PPP6C: variants seen among roughly 807,000 people sequenced by gnomAD.
PPP6C encodes the protein serine/threonine-protein phosphatase 6 catalytic subunit.
A neutral mutation model predicts 39.8 loss-of-function variants in PPP6C; 11 were observed. The ratio of observed to expected loss-of-function variants is 0.28; its 90% CI spans 0.17 to 0.46. The LOEUF (loss-of-function observed/expected upper bound fraction) is 0.46. Ranked by LOEUF, PPP6C falls within the 20% of genes least tolerant of loss-of-function variation. The probability of loss-of-function intolerance (pLI) is 1.00; values close to 1 mark genes in which losing one functional copy is unlikely to be tolerated. For missense variants in PPP6C, 211 were observed against 373.9 expected (o/e 0.56, Z 3.59); for synonymous variants, 129 against 130.3 (o/e 0.99, Z 0.07).
intron 1 of PPP6C, among the ~76,000 whole-genome samples, chr9:125,173,867 C>T (rs1829236199): frequency 6.6e-6 from 1 of 152,118 alleles, no homozygotes; most frequent in African/African-American, 2.4e-5. Context: ...CCACCCGCCT[C>T]GGCCTCCCAA....
At chr9:125,157,170 G>C (rs1454789703) in intron 4 of PPP6C, among the ~76,000 whole-genome samples, 3 of 127,644 alleles carry the variant, frequency 2.4e-5, no homozygotes, top group Non-Finnish European at 3.1e-5. Context: ...ATTTTTAGTA[G>C]AGACAGGGTT....
At chr9:125,153,352 G>A (rs1835996835) in intron 6 of PPP6C, among the ~76,000 whole-genome samples, 181 bp downstream of exon 6, 1 of 152,058 alleles carries the variant, frequency 6.6e-6, no homozygotes, top group Non-Finnish European at 1.5e-5. Context: ...TGCTTTCACT[G>A]TGTCATCTTA....
In PPP6C at chr9:125,174,766, C is replaced by A. The variant is rs189282726; in HGVS notation, c.76-3586G>T. Among the ~76,000 whole-genome samples, 79 of 151,934 alleles carry A rather than the reference C, an allele frequency of 5.2e-4. 1 individual carries two copies. In the East Asian group the frequency reaches 0.013, roughly 25 times the overall value. On this transcript the variant is annotated intron_variant, in intron 1 of 6. Transcript: ENST00000373547. ...CTATACTAAAAAATACAAAAATAAG[C>A]TGGTCAGTAGAGGCACGTACCTGTA...
intron 1 of PPP6C, among the ~76,000 whole-genome samples, chr9:125,180,425 A>G (rs1420851568): frequency 6.6e-6 from 1 of 151,898 alleles, no homozygotes; most frequent in Non-Finnish European, 1.5e-5. Context: ...TTGGCCTGTA[A>G]TTTTTTCTTT....
At chr9:125,178,933 G>A (rs1829363425) in intron 1 of PPP6C, among the ~76,000 whole-genome samples, 1 of 152,094 alleles carries the variant, frequency 6.6e-6, no homozygotes, top group Non-Finnish European at 1.5e-5. Context: ...GTTATCTGCA[G>A]GCCAGGCATG....
intron 1 of PPP6C, among the ~76,000 whole-genome samples, chr9:125,186,807 A>G (rs1351972707): frequency 6.6e-6 from 1 of 151,830 alleles, no homozygotes; most frequent in East Asian, 1.9e-4. Context: ...AAACAAATAC[A>G]AGTCAAGTAC....
At chr9:125,170,344 C>T (rs1455644847) in intron 2 of PPP6C, among the ~76,000 whole-genome samples, 1 of 151,718 alleles carries the variant, frequency 6.6e-6, no homozygotes, top group East Asian at 1.9e-4. Context: ...TCAAGAGATT[C>T]TCCTGCCTCA....
At chr9:125,170,411 G>C (rs1326691994) in intron 2 of PPP6C, among the ~76,000 whole-genome samples, 1 of 151,762 alleles carries the variant, frequency 6.6e-6, no homozygotes, top group Non-Finnish European at 1.5e-5. Flanking sequence ...TAATTTTTTT[G>C]TATTTTCAGT....
chr9:125,166,551 T>TTC (rs1364899505), intron 2 of PPP6C, among the ~76,000 whole-genome samples: 12 of 151,546 alleles, frequency 7.9e-5, no homozygotes, highest in African/African-American at 2.4e-4. Flanking sequence ...TTTTTTTTTT[T>TTC]TAGCAGAGTC....
intron 2 of PPP6C, among the ~76,000 whole-genome samples, chr9:125,165,377 T>C (rs1828990066): frequency 6.6e-6 from 1 of 151,936 alleles, no homozygotes; most frequent in South Asian, 2.1e-4. Context: ...GCAGTCTGGG[T>C]GACAAGAGTG....
chr9:125,180,701 G>A (rs1005550298), intron 1 of PPP6C, among the ~76,000 whole-genome samples: 3 of 152,204 alleles, frequency 2.0e-5, no homozygotes, highest in Admixed American at 1.3e-4. Context: ...GGTTACAGGC[G>A]TGAGCCACTG....
In PPP6C at chr9:125,147,636, A is replaced by G. The variant is rs143635521; in HGVS notation, c.*2037T>C. 6.6e-6 allele frequency: 1 copy of G among 152,342 alleles called. No individual in the cohort carries two copies. The highest frequency in any genetic ancestry group is 2.4e-5 in the African/African-American group (1 of 41,582). 9.4% of individuals were successfully genotyped at this position (152,342 alleles called of 1,614,324 possible). ...ATTGGCACGTGCCCAACTAGTGACAAACAAATGCAGTACACAATGACTTAA... is the reference window on the plus strand; with the variant it reads ...ATTGGCACGTGCCCAACTAGTGACAGACAAATGCAGTACACAATGACTTAA... On this transcript the variant is annotated 3_prime_UTR_variant, in exon 7 of 7. Coordinates refer to ENST00000373547, the MANE Select transcript of PPP6C (RefSeq NM_002721.5).
intron 2 of PPP6C, among the ~76,000 whole-genome samples, chr9:125,167,617 C>T (rs1193623689): frequency 1.3e-5 from 2 of 151,784 alleles, no homozygotes; most frequent in Admixed American, 6.6e-5. Context: ...GCAGGAGAAT[C>T]GCTTGAACCT....
chr9:125,150,013 C>A lies in PPP6C; in HGVS notation c.670-92G>T, dbSNP rs563991813. The A allele has an allele frequency of 1.1e-5, 16 of 1,422,366 alleles. No individual in the cohort carries two copies. In the South Asian group the frequency reaches 2.2e-4, roughly 20 times the overall value. The allele number at this position is 1,422,366 out of a possible 1,614,324, so 88.1% of individuals were successfully genotyped here. A position where few individuals can be genotyped will look rare whatever the true frequency, so the allele number is the denominator to read the frequency against. On this transcript the variant is annotated intron_variant, in intron 6 of 6. Coordinates refer to ENST00000373547, the MANE Select transcript of PPP6C (RefSeq NM_002721.5). ...AATAAAATACCAAATCCTATTACTA[C>A]TAAAGGCATCAAGATTATAGAACGC... is the stretch of plus-strand genomic sequence containing the variant.
chr9:125,171,209 A>T, intron 1 of PPP6C, 29 bp from the exon 2 acceptor site: 1 of 1,462,598 alleles, frequency 6.8e-7, no homozygotes, highest in East Asian at 2.3e-5. Context: ...AAAGGTAAAC[A>T]TTTACTACAA....
intron 1 of PPP6C, chr9:125,172,091 G>GA (rs1829183269): frequency 2.8e-6 from 1 of 361,956 alleles, no homozygotes; most frequent in Non-Finnish European, 5.4e-6. Flanking sequence ...GCAATAAAAA[G>GA]AAACGAATAC....
At chr9:125,180,511 C>T (rs1296741988) in intron 1 of PPP6C, among the ~76,000 whole-genome samples, 1 of 152,202 alleles carries the variant, frequency 6.6e-6, no homozygotes, top group Non-Finnish European at 1.5e-5. Context: ...CACCCTCCGC[C>T]TCCCAGGTTC....
intron 2 of PPP6C, among the ~76,000 whole-genome samples, chr9:125,163,530 A>C (rs893080384): frequency 2.0e-5 from 3 of 152,184 alleles, no homozygotes; most frequent in African/African-American, 4.8e-5. Context: ...TCCCAGGTTC[A>C]AGTGATTCTC....
chr9:125,182,637 T>C (rs1297042790), intron 1 of PPP6C, among the ~76,000 whole-genome samples: 1 of 151,702 alleles, frequency 6.6e-6, no homozygotes, highest in African/African-American at 2.4e-5. Flanking sequence ...GAAGGTAGTA[T>C]CTGTATCCTC....
Sources: allele counts gnomAD v4.1 joint callset (sites outside exome capture counted in the v4.1 genomes callset), GRCh38; gene constraint gnomAD v4.1.1; transcripts MANE v1.5; gene names NCBI Gene and HGNC (gene_info 2026-07-23, HGNC 2026-07-21).